The following CSMD1 variants were observed in gnomAD, a reference collection of about 807,000 sequenced individuals.
CSMD1 encodes the protein CUB and Sushi multiple domains 1, also known as CUB and sushi domain-containing protein 1.
CSMD1 carries 213 observed loss-of-function variants against 417.5 expected under a neutral mutation model. The ratio of observed to expected loss-of-function variants is 0.51; its 90% CI spans 0.46 to 0.57. CSMD1 has a LOEUF of 0.57. CSMD1 is among the 20% of genes least tolerant of loss of function. The probability of loss-of-function intolerance (pLI) is 0.00; values close to 1 mark genes in which losing one functional copy is unlikely to be tolerated. For synonymous variants in CSMD1, 2,862 were observed against 1,736.8 expected (o/e 1.65, Z -16.11); for missense variants, 6,923 against 4,529.7 (o/e 1.53, Z -15.17).
At chr8:4,523,339 G>C (rs999830493) in intron 2 of CSMD1, among the ~76,000 whole-genome samples, 1 of 151,936 alleles carries the variant, frequency 6.6e-6, no homozygotes, top group African/African-American at 2.4e-5. Context: ...ACTCAGCCTG[G>C]GCTGCTGCTT....
At chr8:3,635,399 G>A (rs969191490) in intron 7 of CSMD1, among the ~76,000 whole-genome samples, 3 of 151,864 alleles carry the variant, frequency 2.0e-5, no homozygotes, top group Non-Finnish European at 1.5e-5. Flanking sequence ...ACTTGAACCC[G>A]GTTGAACCTG....
chr8:3,093,649 C>G (rs1815104709), intron 47 of CSMD1, among the ~76,000 whole-genome samples: 1 of 150,762 alleles, frequency 6.6e-6, no homozygotes, highest in Admixed American at 6.6e-5. Context: ...GCCTGGGCAA[C>G]AAGAGCAAAA....
At chr8:4,671,093 C>G (rs1203886577) in intron 1 of CSMD1, among the ~76,000 whole-genome samples, 6 of 152,216 alleles carry the variant, frequency 3.9e-5, no homozygotes, top group South Asian at 2.1e-4. Flanking sequence ...TGGTTTGAAT[C>G]TGTGGCTTGA....
At chr8:3,470,391 A>G (rs1474204406) in intron 11 of CSMD1, among the ~76,000 whole-genome samples, 2 of 152,240 alleles carry the variant, frequency 1.3e-5, no homozygotes, top group Non-Finnish European at 1.5e-5. Context: ...GGTAGGTAGT[A>G]CAAAATAATA....
At chr8:3,337,826 G>A (rs1241504543) in intron 23 of CSMD1, among the ~76,000 whole-genome samples, 1 of 152,116 alleles carries the variant, frequency 6.6e-6, no homozygotes, top group African/African-American at 2.4e-5. Flanking sequence ...TCCTTTGAGT[G>A]GCTCTGCTAC....
chr8:4,043,615 T>C (rs1236511336), intron 3 of CSMD1, among the ~76,000 whole-genome samples: 2 of 152,238 alleles, frequency 1.3e-5, no homozygotes, highest in African/African-American at 4.8e-5. Context: ...CAAACTGGAA[T>C]TTCAAAAGAC....
intron 3 of CSMD1, among the ~76,000 whole-genome samples, chr8:4,088,418 T>G (rs111497884): frequency 2.6e-5 from 4 of 152,324 alleles, no homozygotes; most frequent in African/African-American, 9.6e-5. Context: ...AGGTTTCCTC[T>G]CCAAACTCAC....
At position 4,280,686 on chromosome 8, in the gene CSMD1, G is replaced by C. The variant is rs1050790300; in HGVS notation, c.415+139267C>G. Among the ~76,000 whole-genome samples, 8 of 152,136 alleles carry C rather than the reference G, an allele frequency of 5.3e-5. No homozygotes were observed. The South Asian group carries it at 1.7e-3, about 32-fold the overall frequency. ...GCTCACAAAATGCTAACCTTGTCTA[G>C]ATGAGCACAGCTCTATAGCAATACC... is the stretch of plus-strand genomic sequence containing the variant. On this transcript the variant is annotated intron_variant, in intron 3 of 69. Coordinates refer to ENST00000635120, the MANE Select transcript of CSMD1 (RefSeq NM_033225.6).
intron 2 of CSMD1, among the ~76,000 whole-genome samples, chr8:4,586,766 G>A (rs78261623): frequency 0.039 from 5,976 of 152,162 alleles, 380 homozygotes; most frequent in African/African-American, 0.14. Flanking sequence ...GTTCCCCATG[G>A]CACTTTCTGT....
At position 3,262,230 on chromosome 8, in the gene CSMD1, T is replaced by TATATATATACAC. The variant is rs770901446; in HGVS notation, c.4153+21913_4153+21914insGTGTATATATAT. Among the ~76,000 whole-genome samples, 171 of 95,544 alleles carry TATATATATACAC rather than the reference T, an allele frequency of 1.8e-3. 2 individuals carry two copies. Among genetic ancestry groups the TATATATATACAC allele is most frequent in the Non-Finnish European group, 2.4e-3 (118 of 49,048 alleles). The allele number at this position is 95,544 out of a possible 152,430, so 62.7% of individuals were successfully genotyped here. ...ATATATATATATATATATATATATA[T>TATATATATACAC]ACACACACATAGTTAATTTCAAAAT... On this transcript the variant is annotated intron_variant, in intron 26 of 69. Coordinates refer to ENST00000635120, the MANE Select transcript of CSMD1 (RefSeq NM_033225.6).
chr8:3,547,173 C>T (rs903511557), intron 10 of CSMD1, among the ~76,000 whole-genome samples: 1 of 152,182 alleles, frequency 6.6e-6, no homozygotes, highest in African/African-American at 2.4e-5. Context: ...AAGATGAATA[C>T]CTTGTCTTAC....
At chr8:4,045,885 T>C (rs1022254678) in intron 3 of CSMD1, among the ~76,000 whole-genome samples, 40 of 152,292 alleles carry the variant, frequency 2.6e-4, no homozygotes, top group East Asian at 1.9e-4. Context: ...TTAGAGTTTT[T>C]ATGTCTATGC....
intron 5 of CSMD1, among the ~76,000 whole-genome samples, chr8:3,889,463 A>ATATATATATATATATATATAT (rs1806797677): frequency 1.1e-5 from 1 of 91,984 alleles, no homozygotes; most frequent in Non-Finnish European, 2.3e-5. Context: ...ATATATATAT[A>ATATATATATATATATATATAT]TATATATATA....
At chr8:3,018,006 C>A (rs1809004080) in intron 52 of CSMD1, among the ~76,000 whole-genome samples, 1 of 151,920 alleles carries the variant, frequency 6.6e-6, no homozygotes, top group African/African-American at 2.4e-5. Flanking sequence ...ATTTTTCAAT[C>A]CATTTTTTAA....
At chr8:3,456,975 C>T (rs756502607) in intron 12 of CSMD1, among the ~76,000 whole-genome samples, 2 of 151,734 alleles carry the variant, frequency 1.3e-5, no homozygotes, top group South Asian at 2.1e-4. Flanking sequence ...TGCACTTCCT[C>T]ATCCCATAGC....
At chr8:3,223,995 T>A in intron 27 of CSMD1, 128 bp from the exon 28 acceptor site, 1 of 774,876 alleles carries the variant, frequency 1.3e-6, no homozygotes, top group Admixed American at 2.9e-5. Flanking sequence ...TCCAAGAGAT[T>A]GTGTGTTGGT....
chr8:3,784,837 A>T (rs555042459), intron 5 of CSMD1, among the ~76,000 whole-genome samples: 1 of 152,172 alleles, frequency 6.6e-6, no homozygotes, highest in South Asian at 2.1e-4. Flanking sequence ...CTGATTTTCA[A>T]CTCATCCAAT....
At chr8:3,890,135 G>C (rs1426927986) in intron 5 of CSMD1, among the ~76,000 whole-genome samples, 1 of 151,994 alleles carries the variant, frequency 6.6e-6, no homozygotes. Flanking sequence ...GTTTATTATT[G>C]GGTGTATGGA....
At chr8:4,922,787 A>T (rs151219779) in intron 1 of CSMD1, among the ~76,000 whole-genome samples, 45 of 152,218 alleles carry the variant, frequency 3.0e-4, no homozygotes, top group African/African-American at 1.1e-3. Flanking sequence ...CACCAAAGTC[A>T]CCCCAAGAAG....
Sources: allele counts gnomAD v4.1 joint callset (sites outside exome capture counted in the v4.1 genomes callset), GRCh38; gene constraint gnomAD v4.1.1; transcripts MANE v1.5; gene names NCBI Gene and HGNC (gene_info 2026-07-23, HGNC 2026-07-21).